METTL16: variants seen among roughly 807,000 people sequenced by gnomAD.
METTL16 encodes the protein RNA N(6)-adenosine-methyltransferase METTL16.
METTL16 carries 19 observed loss-of-function variants against 57.9 expected under a neutral mutation model. That is an observed-to-expected ratio of 0.33 (90% CI 0.23 to 0.48). The LOEUF is 0.48. METTL16 is among the 20% of genes least tolerant of loss of function. The pLI, the probability that METTL16 is intolerant of heterozygous loss-of-function variation, is 0.99. For synonymous variants in METTL16, 246 were observed against 255.6 expected (o/e 0.96, Z 0.36); for missense variants, 434 against 691.5 (o/e 0.63, Z 4.18).
rs2066722635 is a variant in METTL16, at chr17:2,417,058, C to CTTTTTTTTTTTTTTTTTTTGTT, written c.*2911_*2912insAACAAAAAAAAAAAAAAAAAAA. The CTTTTTTTTTTTTTTTTTTTGTT allele has an allele frequency of 1.6e-5, 1 of 61,534 alleles. No individual in the cohort carries two copies. The highest frequency in any genetic ancestry group is 2.8e-5 in the Non-Finnish European group (1 of 35,662). 3.8% of individuals were successfully genotyped at this position (61,534 alleles called of 1,614,324 possible). ...TGAAAGCTGGCCTGCTCATGGGTTC[C>CTTTTTTTTTTTTTTTTTTTGTT]TTTTTTTTTTTTTTTTTTTTTTTTT... On this transcript the variant is annotated 3_prime_UTR_variant, in exon 10 of 10. Transcript: ENST00000263092.
At chr17:2,438,264 G>A (rs1208777510) in intron 7 of METTL16, 66 bp from the exon 8 acceptor site, 2 of 1,143,440 alleles carry the variant, frequency 1.7e-6, no homozygotes, top group Non-Finnish European at 2.7e-6. Context: ...TCTGGCTGCT[G>A]CGTCATGCCA....
intron 4 of METTL16, among the ~76,000 whole-genome samples, chr17:2,468,856 C>A (rs2067218409): frequency 6.6e-6 from 1 of 152,058 alleles, no homozygotes; most frequent in Non-Finnish European, 1.5e-5. Flanking sequence ...CCACGGCACA[C>A]CGGCATGGAT....
At chr17:2,442,714 G>A (rs2066962721) in intron 6 of METTL16, among the ~76,000 whole-genome samples, 1 of 152,142 alleles carries the variant, frequency 6.6e-6, no homozygotes, top group Non-Finnish European at 1.5e-5. Context: ...GGTATTAAAG[G>A]GTGTGAAGAG....
rs372294941 is a variant in METTL16 at position 2,467,428 on chromosome 17, A to AT, written c.585+332dup. ...ATCTGTGCAAATAAGGCAAATTTAG[A>AT]TTTTTTTTTCTTTTTGAGATAGAGT... On this transcript the variant is annotated intron_variant, in intron 5 of 9. Coordinates refer to ENST00000263092, the MANE Select transcript of METTL16 (RefSeq NM_024086.4). Among the ~76,000 whole-genome samples, 243 of 151,508 alleles carry AT rather than the reference A, an allele frequency of 1.6e-3. 1 individual carries two copies. Among genetic ancestry groups the AT allele is most frequent in the African/African-American group, 5.3e-3 (219 of 41,326 alleles).
intron 6 of METTL16, among the ~76,000 whole-genome samples, chr17:2,446,374 T>C (rs1316536731): frequency 1.3e-5 from 2 of 152,220 alleles, no homozygotes; most frequent in Non-Finnish European, 2.9e-5. Flanking sequence ...TACTTCTGCC[T>C]TTACATCACA....
intron 2 of METTL16, among the ~76,000 whole-genome samples, chr17:2,497,823 C>T (rs1398648064): frequency 6.6e-6 from 1 of 151,316 alleles, no homozygotes; most frequent in Admixed American, 6.6e-5. Flanking sequence ...ACCCCCTGGG[C>T]TCAAGCAGTC....
chr17:2,429,025 A>T (rs928576967), intron 8 of METTL16, among the ~76,000 whole-genome samples: 11 of 151,024 alleles, frequency 7.3e-5, no homozygotes, highest in Admixed American at 6.0e-4. Context: ...GGCCTGGCTA[A>T]TTTTGTATTT....
At position 2,417,073 on chromosome 17, in the gene METTL16, TTTTTTTTTTTTTGA is replaced by T. The variant is rs1257801082; in HGVS notation, c.*2883_*2896del. ...TCATGGGTTCCTTTTTTTTTTTTTT[TTTTTTTTTTTTTGA>T]GACAGTCCCACTTTGTCGCCCAGGC... On this transcript the variant is annotated 3_prime_UTR_variant, in exon 10 of 10. Transcript: ENST00000263092. 2 of 128,294 alleles carry T rather than the reference TTTTTTTTTTTTTGA, an allele frequency of 1.6e-5. No individual in the cohort carries two copies. The highest frequency in any genetic ancestry group is 7.9e-5 in the Admixed American group (1 of 12,630). The allele number at this position is 128,294 out of a possible 1,614,324, so 7.9% of individuals were successfully genotyped here.
chr17:2,491,598 G>A (rs561499007), intron 2 of METTL16, among the ~76,000 whole-genome samples: 20 of 152,258 alleles, frequency 1.3e-4, no homozygotes, highest in Middle Eastern at 3.4e-3. Context: ...TCAGTTGGCC[G>A]GGCACGGTGG....
At chr17:2,491,224 G>A (rs1397738243) in intron 2 of METTL16, among the ~76,000 whole-genome samples, 1 of 152,130 alleles carries the variant, frequency 6.6e-6, no homozygotes, top group Non-Finnish European at 1.5e-5. Flanking sequence ...GTGAAAATCA[G>A]CAGTTTATTC....
intron 1 of METTL16, among the ~76,000 whole-genome samples, chr17:2,507,377 G>C (rs530184948): frequency 6.9e-4 from 97 of 141,516 alleles, no homozygotes; most frequent in African/African-American, 2.4e-3. Context: ...GAGGGAGGTG[G>C]GGGGGTCAGC....
intron 8 of METTL16, among the ~76,000 whole-genome samples, chr17:2,432,132 G>A (rs926709860): frequency 6.6e-6 from 1 of 152,140 alleles, no homozygotes; most frequent in African/African-American, 2.4e-5. Flanking sequence ...TTTTAGTAGA[G>A]ACGGAGGGAA....
At chr17:2,424,805 A>C (rs772730408) in intron 8 of METTL16, among the ~76,000 whole-genome samples, 41 of 152,148 alleles carry the variant, frequency 2.7e-4, no homozygotes, top group Non-Finnish European at 5.0e-4. Flanking sequence ...AAAATTAGCC[A>C]GGCGTGGCGG....
At chr17:2,495,641 G>A (rs1264671437) in intron 2 of METTL16, among the ~76,000 whole-genome samples, 1 of 147,876 alleles carries the variant, frequency 6.8e-6, no homozygotes, top group African/African-American at 2.6e-5. Flanking sequence ...GCTGCAGTGA[G>A]CTGAGATCCG....
intron 7 of METTL16, among the ~76,000 whole-genome samples, chr17:2,440,987 A>AC (rs2066946216): frequency 6.7e-6 from 1 of 150,122 alleles, no homozygotes; most frequent in Non-Finnish European, 1.5e-5. Context: ...AAAAAAAAAA[A>AC]AAAAAAAAAG....
At chr17:2,442,133 T>C (rs1341401714) in intron 6 of METTL16, among the ~76,000 whole-genome samples, 1 of 152,268 alleles carries the variant, frequency 6.6e-6, no homozygotes, top group South Asian at 2.1e-4. Context: ...CTTCTGATTA[T>C]TCTAAAAAGT....
intron 4 of METTL16, among the ~76,000 whole-genome samples, chr17:2,468,955 C>T (rs1421548634): frequency 6.6e-6 from 1 of 151,804 alleles, no homozygotes; most frequent in Non-Finnish European, 1.5e-5. Flanking sequence ...GCTCCTAGCG[C>T]CAGGCATGGT....
At chr17:2,422,476 T>C (rs1183075990) in intron 8 of METTL16, among the ~76,000 whole-genome samples, 1 of 151,924 alleles carries the variant, frequency 6.6e-6, no homozygotes. Context: ...CACCTCCGGT[T>C]TCAAGCGATT....
At chr17:2,484,047 A>C (rs1457301633) in intron 2 of METTL16, among the ~76,000 whole-genome samples, 1 of 152,228 alleles carries the variant, frequency 6.6e-6, no homozygotes, top group Non-Finnish European at 1.5e-5. Flanking sequence ...CAAACGTAAA[A>C]TTTCATGGTA....
Sources: allele counts gnomAD v4.1 joint callset (sites outside exome capture counted in the v4.1 genomes callset), GRCh38; gene constraint gnomAD v4.1.1; transcripts MANE v1.5; gene names NCBI Gene and HGNC (gene_info 2026-07-23, HGNC 2026-07-21).